The following DAAM2 variants were observed in gnomAD, a reference collection of about 807,000 sequenced individuals.
DAAM2 encodes the protein disheveled-associated activator of morphogenesis 2.
A neutral mutation model predicts 120.7 loss-of-function variants in DAAM2; 39 were observed. The observed-to-expected ratio is 0.32, with a 90% CI of 0.25 to 0.42. The LOEUF (loss-of-function observed/expected upper bound fraction) is 0.42, where lower values mean the gene tolerates loss of function less well. Among genes scored for constraint, DAAM2 ranks in the 10% least tolerant of loss-of-function variants. The probability of loss-of-function intolerance (pLI) is 1.00; values close to 1 mark genes in which losing one functional copy is unlikely to be tolerated. For synonymous variants in DAAM2, 488 were observed against 524.9 expected, an observed-to-expected ratio of 0.93 and a Z score of 0.96; for missense variants, 1,283 against 1,401.7, an observed-to-expected ratio of 0.92 and a Z score of 1.35.
chr6:39,818,773 C>A (rs1762390619), intron 1 of DAAM2: 1 of 152,078 alleles, frequency 6.6e-6, no homozygotes, highest in Non-Finnish European at 1.5e-5. Context: ...CTTTAGGTTC[C>A]TTTTTCTTGC....
chr6:39,861,288 CAG>C, intron 3 of DAAM2: 1 of 496,866 alleles, frequency 2.0e-6, no homozygotes, highest in South Asian at 1.9e-5. Context: ...GACAAAGAAG[CAG>C]AGTCTGGACT....
chr6:39,856,115 T>TGGGGGGGCCACGGGGGGGG, intron 1 of DAAM2, 132 bp from the exon 2 acceptor site: 1 of 416,566 alleles, frequency 2.4e-6, no homozygotes. Flanking sequence ...GACAGCGGGG[T>TGGGGGGGCCACGGGGGGGG]GGGTGGGGCT....
At chr6:39,865,936 T>C (rs1764412139) in intron 5 of DAAM2, among the ~76,000 whole-genome samples, 1 of 152,242 alleles carries the variant, frequency 6.6e-6, no homozygotes, top group African/African-American at 2.4e-5. Flanking sequence ...TTCCCAACTC[T>C]GCATTCAATG....
Position 39,878,553 on chromosome 6 carries a change from G to A in DAAM2, c.1510G>A (p.Val504Met). Residue 504 changes from valine (V) to methionine (M), a missense_variant, in exon 13 of 25, where the codon GTG becomes ATG. Transcript: ENST00000274867. This position sits in a 1 kb window ranked among gnomAD's most constrained non-coding sequence, Gnocchi z 5.0. ...SQELRQARGQ[V>M]AELVAQLSEL... is the part of the protein sequence containing the mutation. ...GGAGCTGCGCCAGGCTCGGGGACAAGTGGCAGAGCTGGTAGCCCAGCTCAG... is the reference window on the plus strand; with the variant it reads ...GGAGCTGCGCCAGGCTCGGGGACAAATGGCAGAGCTGGTAGCCCAGCTCAG... The A allele has an allele frequency of 4.3e-6, 7 of 1,609,392 alleles. No homozygotes were observed. Among genetic ancestry groups the A allele is most frequent in the Non-Finnish European group, 5.9e-6 (7 of 1,177,986 alleles).
chr6:39,895,635 G>A (rs1346427272), intron 19 of DAAM2, among the ~76,000 whole-genome samples: 5 of 152,128 alleles, frequency 3.3e-5, no homozygotes, highest in Non-Finnish European at 2.9e-5. Context: ...ATAAGCCACA[G>A]ATCACAGGAT....
intron 14 of DAAM2, 145 bp downstream of exon 14, chr6:39,879,622 T>TGGGGG: frequency 9.0e-7 from 1 of 1,109,986 alleles, no homozygotes; most frequent in African/African-American, 1.5e-5. Flanking sequence ...ATGTACAAAG[T>TGGGGG]GGGTTTGCTG....
At position 39,889,535 on chromosome 6, in the gene DAAM2, A is replaced by G. The variant is rs558636380; in HGVS notation, c.2145+772A>G. On this transcript the variant is annotated intron_variant, in intron 17 of 24. Transcript: ENST00000274867. ...CATATACCCGCCCTATTGCCTAGTA[A>G]TCCCACTCTTAGGTATAACTCCAGG... 2.0e-5 allele frequency among the ~76,000 whole-genome samples: 3 copies of G among 152,270 alleles called. No homozygotes were observed. In the East Asian group the frequency reaches 5.8e-4, roughly 29 times the overall value.
intron 22 of DAAM2, 104 bp downstream of exon 22, chr6:39,899,041 A>AAT: frequency 5.6e-6 from 5 of 898,668 alleles, no homozygotes; most frequent in Non-Finnish European, 8.9e-6. Context: ...CAATGGGTAC[A>AAT]GCCTCTAGCA....
chr6:39,815,120 A>C (rs1762270562), intron 1 of DAAM2, among the ~76,000 whole-genome samples: 1 of 152,226 alleles, frequency 6.6e-6, no homozygotes. Flanking sequence ...CTTCTGGATC[A>C]AGCTCTAGGG....
intron 1 of DAAM2, among the ~76,000 whole-genome samples, chr6:39,826,029 G>A (rs938876801): frequency 4.6e-5 from 7 of 152,182 alleles, no homozygotes; most frequent in Admixed American, 1.3e-4. Context: ...GAGATAAGGC[G>A]TATTTCATGC....
At chr6:39,841,864 G>C (rs186762885) in intron 1 of DAAM2, among the ~76,000 whole-genome samples, 8 of 152,266 alleles carry the variant, frequency 5.3e-5, no homozygotes, top group Admixed American at 4.6e-4. Flanking sequence ...GTTTCCGTCA[G>C]AGAAAGCATC....
intron 4 of DAAM2, among the ~76,000 whole-genome samples, 171 bp from the exon 5 acceptor site, chr6:39,864,809 G>C (rs1764358628): frequency 6.6e-6 from 1 of 152,208 alleles, no homozygotes; most frequent in African/African-American, 2.4e-5. Context: ...GATGAGGAAA[G>C]TGAAGTCCCA....
chr6:39,795,730 T>C (rs305851), intron 1 of DAAM2, among the ~76,000 whole-genome samples: 72,561 of 151,972 alleles, frequency 0.48, 17,842 homozygotes, highest in Admixed American at 0.52. Flanking sequence ...GCTCTGATCA[T>C]CCTTACTTCC....
chr6:39,800,878 G>A (rs1055997206), intron 1 of DAAM2, among the ~76,000 whole-genome samples: 5 of 152,116 alleles, frequency 3.3e-5, no homozygotes, highest in Non-Finnish European at 5.9e-5. Flanking sequence ...CTCCTGCCTG[G>A]AGGACTTGAC....
intron 2 of DAAM2, among the ~76,000 whole-genome samples, chr6:39,858,617 A>AAATGAGTTGT (rs1764097531): frequency 6.6e-6 from 1 of 152,204 alleles, no homozygotes; most frequent in Admixed American, 6.5e-5. Flanking sequence ...CTTATCTGTA[A>AAATGAGTTGT]AATGAGTTGT....
intron 1 of DAAM2, among the ~76,000 whole-genome samples, chr6:39,853,206 G>C (rs967104680): frequency 6.6e-6 from 1 of 152,142 alleles, no homozygotes; most frequent in Admixed American, 6.5e-5. Flanking sequence ...ACCATGAAGT[G>C]ACCTGATTTC....
chr6:39,888,649 G>T (rs779585663), intron 16 of DAAM2, 30 bp from the exon 17 acceptor site: 2 of 1,608,296 alleles, frequency 1.2e-6, no homozygotes, highest in South Asian at 2.2e-5. Flanking sequence ...TTTGAGGGCT[G>T]TCCTGGATTG....
intron 1 of DAAM2, among the ~76,000 whole-genome samples, chr6:39,824,756 C>T (rs757506240): frequency 7.9e-5 from 12 of 152,076 alleles, no homozygotes; most frequent in East Asian, 3.9e-4. Context: ...GCAGGTTCCG[C>T]GGAAGTCGCA....
chr6:39,881,000 A>G (rs1387867629), intron 14 of DAAM2, among the ~76,000 whole-genome samples: 3 of 152,242 alleles, frequency 2.0e-5, no homozygotes, highest in Non-Finnish European at 4.4e-5. Flanking sequence ...ATTGTGGTAA[A>G]AAGAGAAATA....
Sources: allele counts gnomAD v4.1 joint callset (sites outside exome capture counted in the v4.1 genomes callset), GRCh38; gene constraint gnomAD v4.1.1; non-coding constraint Gnocchi (gnomAD v3.1); transcripts MANE v1.5; gene names NCBI Gene and HGNC (gene_info 2026-07-23, HGNC 2026-07-21).